Variants in SLC30A8 observed in about 807,000 individuals in gnomAD.
The protein encoded by SLC30A8 is proton-coupled zinc antiporter SLC30A8.
Under a neutral mutation model 36.9 loss-of-function variants are expected in SLC30A8, and 27 were observed. That is an observed-to-expected ratio of 0.73 (90% confidence interval 0.54 to 1.01). SLC30A8 has a LOEUF of 1.01. Ranked by LOEUF, SLC30A8 falls within the 50% of genes least tolerant of loss-of-function variation. SLC30A8 has a pLI of 0.00. For missense variants in SLC30A8, 439 were observed against 452.0 expected, an observed-to-expected ratio of 0.97 and a Z score of 0.26; for synonymous variants, 164 against 172.4, an observed-to-expected ratio of 0.95 and a Z score of 0.38.
At chr8:117,031,342 A>G (rs1393752479) in intron 1 of SLC30A8, among the ~76,000 whole-genome samples, 1 of 152,226 alleles carries the variant, frequency 6.6e-6, no homozygotes, top group Non-Finnish European at 1.5e-5. Context: ...TTCAATTCCA[A>G]AGCTTATATG....
chr8:117,102,701 T>G (rs1819779676), intron 2 of SLC30A8, among the ~76,000 whole-genome samples: 1 of 152,188 alleles, frequency 6.6e-6, no homozygotes, highest in Admixed American at 6.6e-5. Context: ...TCCCAATTTC[T>G]TCTTCATCTT....
rs899724624 is a variant in SLC30A8, at chr8:116,961,072, T to C, written c.-266+9953T>C. Among the ~76,000 whole-genome samples the C allele has an allele frequency of 7.9e-5, 12 of 152,302 alleles. No homozygotes were observed. The East Asian group carries it at 2.3e-3, about 29-fold the overall frequency. The stretch of plus-strand genomic sequence containing the variant: ...AAGAAGGAAAATGAAATAAAACTGT[T>C]TATTCACTTGCTAATTTATTAAAGA... On this transcript the variant is annotated intron_variant, in intron 1 of 10. Coordinates refer to the SLC30A8 transcript ENST00000427715.
chr8:117,106,925 G>T (rs892537328), intron 2 of SLC30A8, among the ~76,000 whole-genome samples: 1 of 152,156 alleles, frequency 6.6e-6, no homozygotes, highest in African/African-American at 2.4e-5. Flanking sequence ...TATTGGAGAA[G>T]GAAAACCATT....
intron 1 of SLC30A8, among the ~76,000 whole-genome samples, chr8:116,966,824 A>G (rs1814616096): frequency 6.6e-6 from 1 of 152,230 alleles, no homozygotes; most frequent in Non-Finnish European, 1.5e-5. Flanking sequence ...CAGAAAGCCC[A>G]TCAGTGGCAT....
At chr8:117,145,167 A>G (rs1293505359) in intron 1 of SLC30A8, among the ~76,000 whole-genome samples, 3 of 152,166 alleles carry the variant, frequency 2.0e-5, no homozygotes, top group Non-Finnish European at 2.9e-5. Context: ...TTTCAGTTGC[A>G]GAACCAATAA....
At chr8:117,061,448 C>A (rs1457629202) in intron 2 of SLC30A8, among the ~76,000 whole-genome samples, 1 of 152,170 alleles carries the variant, frequency 6.6e-6, no homozygotes, top group Non-Finnish European at 1.5e-5. Flanking sequence ...CTTATCTTTA[C>A]CTTGAAAATG....
chr8:117,089,542 C>T (rs993746264), intron 2 of SLC30A8, among the ~76,000 whole-genome samples: 5 of 152,190 alleles, frequency 3.3e-5, no homozygotes, highest in African/African-American at 1.2e-4. Flanking sequence ...ATCCCTTGGG[C>T]ATTTTCACTT....
intron 2 of SLC30A8, among the ~76,000 whole-genome samples, chr8:117,065,302 C>A (rs1225033857): frequency 8.6e-5 from 13 of 151,912 alleles, no homozygotes; most frequent in Admixed American, 8.5e-4. Context: ...AGTTGTTTTG[C>A]TGATAGAAAA....
chr8:117,057,929 T>C (rs1452313730), intron 2 of SLC30A8, among the ~76,000 whole-genome samples: 3 of 152,214 alleles, frequency 2.0e-5, no homozygotes, highest in Non-Finnish European at 2.9e-5. Flanking sequence ...CTAGATCATA[T>C]GATAGTGCTA....
intron 1 of SLC30A8, among the ~76,000 whole-genome samples, chr8:117,026,756 A>C (rs1586415863): frequency 6.6e-6 from 1 of 152,198 alleles, no homozygotes; most frequent in African/African-American, 2.4e-5. Flanking sequence ...CACTCTTGCT[A>C]TCTGCCAGGC....
intron 3 of SLC30A8, among the ~76,000 whole-genome samples, chr8:117,154,123 C>G (rs1307156387): frequency 1.3e-5 from 2 of 152,030 alleles, no homozygotes; most frequent in Non-Finnish European, 2.9e-5. Flanking sequence ...GGTACATGTG[C>G]AGGATGTGTA....
At chr8:117,041,043 A>G (rs1043192405) in intron 2 of SLC30A8, among the ~76,000 whole-genome samples, 1 of 152,208 alleles carries the variant, frequency 6.6e-6, no homozygotes, top group Non-Finnish European at 1.5e-5. Flanking sequence ...GTTTCCAGCC[A>G]CACAGGGAGG....
intron 1 of SLC30A8, among the ~76,000 whole-genome samples, chr8:117,005,546 T>C (rs990092370): frequency 9.9e-5 from 15 of 152,234 alleles, no homozygotes; most frequent in Non-Finnish European, 1.9e-4. Flanking sequence ...CATGTACAAG[T>C]ACTTGTTTGA....
chr8:117,074,036 T>TGG (rs1586471468), intron 2 of SLC30A8, among the ~76,000 whole-genome samples: 1 of 63,828 alleles, frequency 1.6e-5, no homozygotes, highest in Non-Finnish European at 2.9e-5. Context: ...GGCGGGTGGG[T>TGG]GGGGGTGGTT....
chr8:117,163,647 G>T, intron 6 of SLC30A8, 117 bp downstream of exon 6: 1 of 743,236 alleles, frequency 1.3e-6, no homozygotes. Flanking sequence ...AAAATTTAAA[G>T]TGAAAAGGAA....
intron 2 of SLC30A8, among the ~76,000 whole-genome samples, chr8:117,040,760 G>T (rs1021785602): frequency 6.6e-6 from 1 of 152,134 alleles, no homozygotes; most frequent in Admixed American, 6.5e-5. Context: ...TATTGAAGAT[G>T]AGCTAACTAA....
Position 117,173,729 on chromosome 8 carries a change from A to G in SLC30A8, c.*1048A>G, listed in dbSNP as rs942955377. ...TTTGGTTTGGAACCTGGACTTCTGCATTTTTAAAAGTTACCCAGAGATGCT... is the reference window on the plus strand; with the variant it reads ...TTTGGTTTGGAACCTGGACTTCTGCGTTTTTAAAAGTTACCCAGAGATGCT... On this transcript the variant is annotated 3_prime_UTR_variant, in exon 8 of 8. Transcript: ENST00000456015. 2 of 152,130 alleles carry G rather than the reference A, an allele frequency of 1.3e-5. No homozygotes were observed. The highest frequency in any genetic ancestry group is 4.8e-5 in the African/African-American group (2 of 41,448). The allele number at this position is 152,130 out of a possible 1,614,324, so 9.4% of individuals were successfully genotyped here.
At chr8:117,158,986 G>A (rs906810794) in intron 4 of SLC30A8, among the ~76,000 whole-genome samples, 4 of 152,194 alleles carry the variant, frequency 2.6e-5, no homozygotes, top group Admixed American at 1.3e-4. Context: ...AATGACAAGC[G>A]TCCTTATAAG....
intron 3 of SLC30A8, 110 bp downstream of exon 3, chr8:117,153,200 A>G: frequency 9.1e-7 from 1 of 1,098,112 alleles, no homozygotes; most frequent in Non-Finnish European, 1.3e-6. Flanking sequence ...TTAGAGACAC[A>G]TTTCTGATGC....
Sources: gnomAD v4.1 joint callset for allele counts (sites outside exome capture counted in the v4.1 genomes callset) on GRCh38, gnomAD v4.1.1 for gene constraint, MANE v1.5 for transcripts, NCBI Gene and HGNC (gene_info 2026-07-23, HGNC 2026-07-21) for gene names.